The following FAM120B variants were observed in gnomAD, a reference collection of about 807,000 sequenced individuals.
FAM120B encodes the protein family with sequence similarity 120 member B.
FAM120B carries 83 observed loss-of-function variants against 96.3 expected under a neutral mutation model. That is an observed-to-expected ratio of 0.86 (90% CI 0.72 to 1.03). FAM120B has a LOEUF of 1.03. FAM120B is among the 50% of genes least tolerant of loss of function. The pLI is 0.00. For missense variants in FAM120B, 1,027 were observed against 1,121.2 expected (o/e 0.92, Z 1.20); for synonymous variants, 407 against 402.7 (o/e 1.01, Z -0.13).
upstream of FAM120B, among the ~76,000 whole-genome samples, chr6:170,302,680 T>C (rs2114981877): frequency 6.6e-6 from 1 of 152,352 alleles, no homozygotes; most frequent in South Asian, 2.1e-4. Context: ...CTCTACAGTT[T>C]CTTTTTTATT....
Position 170,318,470 on chromosome 6 carries a change from A to G in FAM120B, c.1080A>G (p.Glu360=), listed in dbSNP as rs1324494597. 2 of 1,590,776 alleles carry G rather than the reference A, an allele frequency of 1.3e-6. No homozygotes were observed. The highest frequency in any genetic ancestry group is 2.7e-5 in the African/African-American group (2 of 74,166). ...AAGTTCCCATGTGTACAGGCCCTGAATCCAGGCGAGAAGTTCCCGTGTATA... is the reference window on the plus strand; with the variant it reads ...AAGTTCCCATGTGTACAGGCCCTGAGTCCAGGCGAGAAGTTCCCGTGTATA... The part of the protein sequence containing the change: ...RQEVPMCTGP[E]SRREVPVYTD... Residue 360 remains glutamate (E), a synonymous_variant, in exon 2 of 11, where the codon GAA becomes GAG. Transcript: ENST00000476287.
In FAM120B at chr6:170,401,542, C is replaced by T. The variant is rs527615856; in HGVS notation, c.2693-3008C>T. 4.6e-5 allele frequency among the ~76,000 whole-genome samples: 7 copies of T among 152,254 alleles called. No homozygotes were observed. The East Asian group carries it at 7.7e-4, about 17-fold the overall frequency. On this transcript the variant is annotated intron_variant, in intron 9 of 10. Coordinates refer to ENST00000476287, the MANE Select transcript of FAM120B (RefSeq NM_032448.3). ...GAGCAGGGAGGGAGGGAGCAAAGGCCGCTGTCCCCTGCAGGAGCCAGGACA... is the reference window on the plus strand; with the variant it reads ...GAGCAGGGAGGGAGGGAGCAAAGGCTGCTGTCCCCTGCAGGAGCCAGGACA...
At chr6:170,353,747 AACT>A (rs1787725387) in intron 5 of FAM120B, among the ~76,000 whole-genome samples, 1 of 152,220 alleles carries the variant, frequency 6.6e-6, no homozygotes, top group Non-Finnish European at 1.5e-5. Flanking sequence ...GAGAACTAAA[AACT>A]ACTGCTCAAA....
intron 2 of FAM120B, among the ~76,000 whole-genome samples, chr6:170,322,558 T>C (rs1438053348): frequency 1.3e-5 from 2 of 152,166 alleles, no homozygotes; most frequent in Non-Finnish European, 2.9e-5. Flanking sequence ...GACTGAATTA[T>C]GGCTATTTCT....
At chr6:170,351,256 TA>T (rs1256663470) in intron 5 of FAM120B, among the ~76,000 whole-genome samples, 1 of 151,964 alleles carries the variant, frequency 6.6e-6, no homozygotes, top group East Asian at 1.9e-4. Context: ...ACAAAAGAAT[TA>T]AAAGGAATGA....
chr6:170,338,022 C>T (rs1438598537), intron 4 of FAM120B, among the ~76,000 whole-genome samples: 2 of 151,254 alleles, frequency 1.3e-5, no homozygotes, highest in Non-Finnish European at 2.9e-5. Flanking sequence ...TTTCATGTCT[C>T]TATCTCCTTC....
intron 9 of FAM120B, among the ~76,000 whole-genome samples, chr6:170,400,287 A>C (rs1316693052): frequency 2.0e-5 from 3 of 152,204 alleles, no homozygotes; most frequent in African/African-American, 7.2e-5. Flanking sequence ...CATAAGCCTT[A>C]GGAGTGAGTG....
chr6:170,379,390 T>G (rs1255370690), intron 6 of FAM120B, among the ~76,000 whole-genome samples: 1 of 152,246 alleles, frequency 6.6e-6, no homozygotes. Flanking sequence ...TTGCTAGGTC[T>G]TAGGTACAGT....
intron 6 of FAM120B, among the ~76,000 whole-genome samples, chr6:170,375,801 C>T (rs9348272): frequency 0.1 from 15,665 of 152,052 alleles, 1,027 homozygotes; most frequent in East Asian, 0.2. Context: ...GGATGGTCCC[C>T]GTCTGGGCAT....
intron 6 of FAM120B, among the ~76,000 whole-genome samples, chr6:170,367,196 A>C (rs190330473): frequency 1.5e-3 from 221 of 152,382 alleles, no homozygotes; most frequent in African/African-American, 5.1e-3. Context: ...CTACAAATTA[A>C]TGAAACTTTA....
intron 9 of FAM120B, among the ~76,000 whole-genome samples, chr6:170,399,661 A>ACC (rs201331108): frequency 4.6e-5 from 4 of 86,688 alleles, no homozygotes; most frequent in South Asian, 8.4e-4. Context: ...CTATGTCATA[A>ACC]CTTAGGAGTG....
chr6:170,399,197 T>C (rs1278893933), intron 9 of FAM120B, among the ~76,000 whole-genome samples: 1 of 147,264 alleles, frequency 6.8e-6, no homozygotes, highest in Non-Finnish European at 1.5e-5. Flanking sequence ...GTCATAACTC[T>C]TAGAAGTGAG....
At chr6:170,299,732 A>C (rs1420088087) in intron 1 of FAM120B, among the ~76,000 whole-genome samples, 3 of 152,252 alleles carry the variant, frequency 2.0e-5, no homozygotes, top group Non-Finnish European at 2.9e-5. Context: ...CTGATTCACT[A>C]TCTGACTATG....
At chr6:170,306,510 G>A (rs986259929), upstream of FAM120B, 1 of 152,286 alleles carries the variant, frequency 6.6e-6, no homozygotes, top group Non-Finnish European at 1.5e-5. Flanking sequence ...CCCGCCCGAC[G>A]CCAGCGGGCA....
rs1789724073 is a variant in FAM120B, at chr6:170,378,637, T to C, written c.2284-9650T>C. On this transcript the variant is annotated intron_variant, in intron 6 of 10. Coordinates refer to ENST00000476287, the MANE Select transcript of FAM120B (RefSeq NM_032448.3). ...GGAGGCAGGAAGCAGAACCACATTC[T>C]AGCAGGGGAAATGGACAGGAAGCAG... is the stretch of plus-strand genomic sequence containing the variant. Among the ~76,000 whole-genome samples the C allele has an allele frequency of 1.3e-5, 2 of 152,140 alleles. 1 individual carries two copies. The highest frequency in any genetic ancestry group is 4.1e-4 in the South Asian group (2 of 4,834).
At chr6:170,342,386 A>G (rs1240678796) in intron 4 of FAM120B, among the ~76,000 whole-genome samples, 1 of 152,228 alleles carries the variant, frequency 6.6e-6, no homozygotes, top group Non-Finnish European at 1.5e-5. Context: ...CCCTAGGAAT[A>G]TGTAAGGAAA....
chr6:170,324,234 G>A (rs141260786), intron 3 of FAM120B, among the ~76,000 whole-genome samples: 7 of 152,280 alleles, frequency 4.6e-5, no homozygotes, highest in Admixed American at 4.6e-4. Flanking sequence ...GGATGATGGG[G>A]CTCAGGGGTA....
chr6:170,395,587 G>T lies in FAM120B; in HGVS notation c.2692+8G>T. On this transcript the variant is annotated splice_region_variant and intron_variant, in intron 9 of 10. Transcript: ENST00000476287. ...GGAGAGACCAGGGACCAGGTAAGAA[G>T]GCCAGTGGTCACTCTGCTGGGCCAC... is the stretch of plus-strand genomic sequence containing the variant. 2 of 1,581,818 alleles carry T rather than the reference G, an allele frequency of 1.3e-6. No homozygotes were observed. The highest frequency in any genetic ancestry group is 1.7e-6 in the Non-Finnish European group (2 of 1,163,220).
At chr6:170,398,617 T>TAGGAGTGAGTGGGAAAGGTAGAA (rs112412033) in intron 9 of FAM120B, among the ~76,000 whole-genome samples, 2 of 131,512 alleles carry the variant, frequency 1.5e-5, no homozygotes, top group African/African-American at 6.2e-5. Flanking sequence ...TCTTAACTCT[T>TAGGAGTGAGTGGGAAAGGTAGAA]CGGAGTGAGT....
Sources: gnomAD v4.1 joint callset for allele counts (sites outside exome capture counted in the v4.1 genomes callset) on GRCh38, gnomAD v4.1.1 for gene constraint, MANE v1.5 for transcripts, NCBI Gene and HGNC (gene_info 2026-07-23, HGNC 2026-07-21) for gene names.